Variants in FN1 observed in about 807,000 individuals in gnomAD.
FN1 encodes the protein fibronectin.
A neutral mutation model predicts 297.3 loss-of-function variants in FN1; 106 were observed. That is an observed-to-expected ratio of 0.36 (90% CI 0.30 to 0.42). The LOEUF (loss-of-function observed/expected upper bound fraction) is 0.42. Among genes scored for constraint, FN1 ranks in the 10% least tolerant of loss-of-function variants. The probability of loss-of-function intolerance (pLI) is 1.00; values close to 1 mark genes in which losing one functional copy is unlikely to be tolerated. For synonymous variants in FN1, 1,149 were observed against 1,152.6 expected, an observed-to-expected ratio of 1.00 and a Z score of 0.06; for missense variants, 2,690 against 3,124.9, an observed-to-expected ratio of 0.86 and a Z score of 3.32.
At chr2:215,425,337 A>G in intron 6 of FN1, 52 bp from the exon 7 acceptor site, 1 of 1,543,656 alleles carries the variant, frequency 6.5e-7, no homozygotes, top group Non-Finnish European at 9.0e-7. Context: ...AAGACAATTC[A>G]CTACTTTCTG....
At chr2:215,430,884 A>T (rs1450503470) in intron 4 of FN1, 32 bp from the exon 5 acceptor site, 1 of 1,612,426 alleles carries the variant, frequency 6.2e-7, no homozygotes, top group African/African-American at 1.3e-5. Flanking sequence ...AAACAGGAAA[A>T]AAAGGTTATT....
intron 15 of FN1, 103 bp downstream of exon 15, chr2:215,409,460 G>C (rs1559509145): frequency 9.1e-7 from 1 of 1,098,268 alleles, no homozygotes. Context: ...CTGTCAACCA[G>C]TTCCAAACCA....
rs2057906242 is a variant in FN1 at position 215,379,558 on chromosome 2, C to T, written c.5435-241G>A. 11 of 443,904 alleles carry T rather than the reference C, an allele frequency of 2.5e-5. No homozygotes were observed. The South Asian group carries it at 3.0e-4, about 12-fold the overall frequency. 27.5% of individuals were successfully genotyped at this position (443,904 alleles called of 1,614,324 possible). A position where few individuals can be genotyped will look rare whatever the true frequency, so the allele number is the denominator to read the frequency against. On this transcript the variant is annotated intron_variant, in intron 33 of 45. Coordinates refer to ENST00000354785, the MANE Select transcript of FN1 (RefSeq NM_212482.4). ...ATCACTGAAAACATTTGGGTAAATGCCAAAACTCTAAGAGATTTTAGGTTT... is the reference window on the plus strand; with the variant it reads ...ATCACTGAAAACATTTGGGTAAATGTCAAAACTCTAAGAGATTTTAGGTTT...
intron 26 of FN1, among the ~76,000 whole-genome samples, chr2:215,389,028 A>G (rs1366525473): frequency 1.5e-5 from 2 of 135,200 alleles, no homozygotes; most frequent in Non-Finnish European, 3.5e-5. Flanking sequence ...CGGTTCTGCC[A>G]TATTAAAATG....
At chr2:215,408,470 C>T (rs761254572) in intron 15 of FN1, 44 bp from the exon 16 acceptor site, 12 of 1,597,712 alleles carry the variant, frequency 7.5e-6, no homozygotes, top group Non-Finnish European at 1.0e-5. Flanking sequence ...GCAAACTAGT[C>T]CCTCAAATGA....
rs1467085439 is a variant in FN1 at position 215,382,288 on chromosome 2, T to G, written c.5088A>C (p.Thr1696=). 4 of 1,613,844 alleles carry G rather than the reference T, an allele frequency of 2.5e-6. No homozygotes were observed. The highest frequency in any genetic ancestry group is 3.4e-6 in the Non-Finnish European group (4 of 1,179,834). The change falls in exon 32 of 46, where the codon ACA becomes ACC. Residue 1696 remains threonine (T), a synonymous_variant. Transcript: ENST00000354785. The part of the protein sequence containing the change: ...TEMTIEGLQP[T]VEYVVSVYAQ... ...CATAGACACTAACCACATACTCCAC[T>G]GTGGGCTGCAAGCCTTCAATAGTCA...
At chr2:215,398,198 G>A (rs770263819) in intron 21 of FN1, among the ~76,000 whole-genome samples, 40 of 152,330 alleles carry the variant, frequency 2.6e-4, no homozygotes, top group Non-Finnish European at 4.4e-4. Context: ...TGTGCTAGAA[G>A]GAATGTCTGA....
chr2:215,381,405 C>T (rs2058194336), intron 32 of FN1: 1 of 387,050 alleles, frequency 2.6e-6, no homozygotes, highest in East Asian at 6.1e-5. Context: ...GTCTCATAGA[C>T]CTGGATTTTC....
At chr2:215,402,206 C>T (rs1378244546) in intron 20 of FN1, among the ~76,000 whole-genome samples, 1 of 152,138 alleles carries the variant, frequency 6.6e-6, no homozygotes, top group Non-Finnish European at 1.5e-5. Flanking sequence ...TTGAGCCAGC[C>T]ACCTAGAGTC....
At chr2:215,373,974 G>A (rs1464394584) in intron 38 of FN1, among the ~76,000 whole-genome samples, 6 of 152,120 alleles carry the variant, frequency 3.9e-5, no homozygotes, top group African/African-American at 1.2e-4. Flanking sequence ...GAGCCACCGC[G>A]CCTGGCCTTT....
intron 29 of FN1, 128 bp downstream of exon 29, chr2:215,384,732 A>G: frequency 1.4e-6 from 1 of 727,774 alleles, no homozygotes; most frequent in South Asian, 1.6e-5. Flanking sequence ...TTTTCTTGGA[A>G]AAAACAAGGG....
At chr2:215,379,684 C>A in intron 33 of FN1, 1 of 245,970 alleles carries the variant, frequency 4.1e-6, no homozygotes, top group Non-Finnish European at 8.0e-6. Context: ...GGCCCTTTTT[C>A]TTTCTTAAAA....
chr2:215,382,438 G>T, intron 31 of FN1, 113 bp from the exon 32 acceptor site: 1 of 707,838 alleles, frequency 1.4e-6, no homozygotes. Context: ...TTTATTTGCA[G>T]AATTGTAACA....
At chr2:215,434,608 G>T in intron 2 of FN1, 88 bp downstream of exon 2, 1 of 1,421,720 alleles carries the variant, frequency 7.0e-7, no homozygotes, top group Non-Finnish European at 9.9e-7. Flanking sequence ...GAAAAATGGT[G>T]TATGTATTTT....
At chr2:215,414,783 G>T (rs748410369) in intron 13 of FN1, 54 bp downstream of exon 13, 1 of 1,610,954 alleles carries the variant, frequency 6.2e-7, no homozygotes, top group South Asian at 1.1e-5. Flanking sequence ...GAAACCATCA[G>T]AATTGATAAG....
chr2:215,432,545 A>G, intron 3 of FN1, among the ~76,000 whole-genome samples: 1 of 152,240 alleles, frequency 6.6e-6, no homozygotes, highest in East Asian at 1.9e-4. Context: ...GTGAACTTGG[A>G]TAAACCCTAA....
intron 25 of FN1, chr2:215,392,690 G>GT (rs1454330030): frequency 5.4e-6 from 3 of 557,728 alleles, no homozygotes; most frequent in Non-Finnish European, 9.7e-6. Flanking sequence ...GCAGACATCT[G>GT]TATTTCTCTA....
At chr2:215,369,555 T>C (rs2055398808) in intron 41 of FN1, among the ~76,000 whole-genome samples, 1 of 152,170 alleles carries the variant, frequency 6.6e-6, no homozygotes, top group Admixed American at 6.5e-5. Context: ...AACTCTCCTG[T>C]TGGAAGATTG....
intron 8 of FN1, among the ~76,000 whole-genome samples, 153 bp from the exon 9 acceptor site, chr2:215,423,679 C>T (rs1002943415): frequency 6.6e-6 from 1 of 152,156 alleles, no homozygotes; most frequent in African/African-American, 2.4e-5. Flanking sequence ...TAGTTCTAAG[C>T]TTCTTAGCAT....
Sources: gnomAD v4.1 joint callset for allele counts (sites outside exome capture counted in the v4.1 genomes callset) on GRCh38, gnomAD v4.1.1 for gene constraint, MANE v1.5 for transcripts, NCBI Gene and HGNC (gene_info 2026-07-23, HGNC 2026-07-21) for gene names.